Variants in PRRC2C observed in about 807,000 individuals in gnomAD.
The protein encoded by PRRC2C is proline rich coiled-coil 2C, also known as protein PRRC2C.
In PRRC2C, 72 loss-of-function variants were observed where a neutral mutation model predicts 317.2. The observed-to-expected ratio is 0.23, with a 90% CI of 0.19 to 0.28. The LOEUF (loss-of-function observed/expected upper bound fraction) is 0.28, where lower values mean the gene tolerates loss of function less well. Among genes scored for constraint, PRRC2C ranks in the 10% least tolerant of loss-of-function variants. The pLI is 1.00. For missense variants in PRRC2C, 3,074 were observed against 3,459.7 expected (o/e 0.89, Z 2.80); for synonymous variants, 1,296 against 1,205.9 (o/e 1.07, Z -1.55).
chr1:171,505,021 T>C (rs1669911738), intron 1 of PRRC2C, among the ~76,000 whole-genome samples: 1 of 149,548 alleles, frequency 6.7e-6, no homozygotes, highest in Admixed American at 6.8e-5. Flanking sequence ...TCCCTAAGTA[T>C]TTCAATTTTT....
chr1:171,542,005 G>GGAT lies in PRRC2C; in HGVS notation c.4542_4544dup (p.Asp1514dup). 6 of 1,610,702 alleles carry GGAT rather than the reference G, an allele frequency of 3.7e-6. No homozygotes were observed. Among genetic ancestry groups the GGAT allele is most frequent in the Non-Finnish European group, 5.1e-6 (6 of 1,178,940 alleles). Reference sequence around the variant, plus strand: ...GTGATTTCAATGAGAGGCGAGAGAGGGATGAAAAAAAAAATGCTGACTTGA... The same window carrying GGAT: ...GTGATTTCAATGAGAGGCGAGAGAGGGATGATGAAAAAAAAAATGCTGACTTGA... On this transcript the variant is annotated inframe_insertion, in exon 16 of 35. Transcript: ENST00000647382.
Position 171,540,652 on chromosome 1 carries a change from T to C in PRRC2C, c.3186T>C (p.Pro1062=), listed in dbSNP as rs1185517046. Reference sequence around the variant, plus strand: ...AGACGGAAAAGAAGGATCTTCCTCCTCCCCCACCACCACCTCAGCCACCAG... The same window carrying C: ...AGACGGAAAAGAAGGATCTTCCTCCCCCCCCACCACCACCTCAGCCACCAG... ...PEKTEKKDLP[P]PPPPPQPPAP... is the part of the protein sequence containing the mutation. Residue 1062 remains proline (P), a synonymous_variant, in exon 16 of 35, where the codon CCT becomes CCC. Transcript: ENST00000647382. The C allele has an allele frequency of 6.2e-7, 1 of 1,613,760 alleles. No individual in the cohort carries two copies. Among genetic ancestry groups the C allele is most frequent in the South Asian group, 1.1e-5 (1 of 91,072 alleles).
intron 17 of PRRC2C, among the ~76,000 whole-genome samples, chr1:171,549,318 T>C (rs1446368485): frequency 6.6e-6 from 1 of 152,214 alleles, no homozygotes; most frequent in Non-Finnish European, 1.5e-5. Flanking sequence ...ACTACAGGCA[T>C]GTGCCACAGC....
intron 24 of PRRC2C, among the ~76,000 whole-genome samples, chr1:171,571,795 A>G (rs1684812655): frequency 6.6e-6 from 1 of 152,228 alleles, no homozygotes; most frequent in Admixed American, 6.5e-5. Flanking sequence ...CCAAAATATT[A>G]AGTACTGATA....
chr1:171,488,284 CTTTCA>C (rs1333807498), intron 1 of PRRC2C, among the ~76,000 whole-genome samples: 1 of 152,228 alleles, frequency 6.6e-6, no homozygotes, highest in African/African-American at 2.4e-5. Context: ...TTATGACACA[CTTTCA>C]TTTCGGTAAA....
intron 19 of PRRC2C, among the ~76,000 whole-genome samples, chr1:171,558,729 A>G (rs948481823): frequency 1.1e-5 from 1 of 87,750 alleles, no homozygotes; most frequent in Non-Finnish European, 2.6e-5. Context: ...CCTATTCTTT[A>G]AGAACACAAC....
intron 13 of PRRC2C, 41 bp from the exon 14 acceptor site, chr1:171,535,988 G>A (rs1392259294): frequency 1.9e-6 from 3 of 1,548,108 alleles, no homozygotes; most frequent in East Asian, 4.9e-5. Context: ...AATTTGTCAT[G>A]TGGAACTAAA....
chr1:171,583,078 A>G (rs1425621991), intron 28 of PRRC2C, among the ~76,000 whole-genome samples: 1 of 152,070 alleles, frequency 6.6e-6, no homozygotes, highest in Non-Finnish European at 1.5e-5. Context: ...AGCTCAAGCC[A>G]TTGTCCAGCC....
chr1:171,503,233 G>C (rs1669482247), intron 1 of PRRC2C, among the ~76,000 whole-genome samples: 1 of 152,078 alleles, frequency 6.6e-6, no homozygotes, highest in African/African-American at 2.4e-5. Flanking sequence ...TCATATAAAT[G>C]TGTTTGTAGG....
chr1:171,544,024 G>C (rs1678533146), intron 16 of PRRC2C, among the ~76,000 whole-genome samples: 1 of 152,158 alleles, frequency 6.6e-6, no homozygotes. Flanking sequence ...CAGAAGGGCA[G>C]AGCCCTCATG....
At chr1:171,489,364 G>A (rs1033984247) in intron 1 of PRRC2C, among the ~76,000 whole-genome samples, 1 of 152,170 alleles carries the variant, frequency 6.6e-6, no homozygotes, top group Non-Finnish European at 1.5e-5. Context: ...GTAAGGCCCA[G>A]TGAATCAGAG....
chr1:171,486,339 T>TG (rs1176966650), intron 1 of PRRC2C, among the ~76,000 whole-genome samples: 1 of 151,882 alleles, frequency 6.6e-6, no homozygotes, highest in African/African-American at 2.4e-5. Context: ...GAGGAGGATT[T>TG]GGGTAGTCTT....
intron 30 of PRRC2C, among the ~76,000 whole-genome samples, chr1:171,585,242 T>C (rs1649595596): frequency 6.6e-6 from 1 of 152,226 alleles, no homozygotes; most frequent in South Asian, 2.1e-4. Context: ...TACCCATTAG[T>C]GCTAGGGAGA....
At chr1:171,554,060 A>T (rs1680854927) in intron 18 of PRRC2C, among the ~76,000 whole-genome samples, 1 of 152,182 alleles carries the variant, frequency 6.6e-6, no homozygotes, top group Non-Finnish European at 1.5e-5. Context: ...TAATATTGAC[A>T]ATGGGGTGTT....
At chr1:171,558,512 G>C (rs956015324) in intron 19 of PRRC2C, among the ~76,000 whole-genome samples, 2 of 152,074 alleles carry the variant, frequency 1.3e-5, no homozygotes, top group Non-Finnish European at 2.9e-5. Context: ...GTCATTTCAT[G>C]TTCTGTGTCA....
chr1:171,573,673 C>CTTTTTTTTTTTTTTTTTT (rs1024285954), intron 24 of PRRC2C, among the ~76,000 whole-genome samples: 1 of 85,814 alleles, frequency 1.2e-5, no homozygotes, highest in Non-Finnish European at 2.1e-5. Context: ...TCTCAAAATT[C>CTTTTTTTTTTTTTTTTTT]TTTTTTTTTT....
At chr1:171,584,695 C>G (rs1028301972) in intron 30 of PRRC2C, among the ~76,000 whole-genome samples, 169 bp downstream of exon 30, 2 of 152,168 alleles carry the variant, frequency 1.3e-5, no homozygotes, top group Non-Finnish European at 2.9e-5. Context: ...GAAGGGGTTT[C>G]AGGCTCATGA....
In PRRC2C at chr1:171,515,787, G is replaced by A. The variant is rs1408572443; in HGVS notation, c.454G>A (p.Gly152Arg). The A allele has an allele frequency of 6.2e-7, 1 of 1,612,180 alleles. No individual in the cohort carries two copies. The highest frequency in any genetic ancestry group is 8.5e-7 in the Non-Finnish European group (1 of 1,178,838). ...QQEFPSLQAAGDQEKKEKETN... is the reference protein window; with the variant it reads ...QQEFPSLQAARDQEKKEKETN... Reference sequence around the variant, plus strand: ...AGAATTTCCCAGCCTGCAGGCAGCTGGGGATCAGGAAAAAAAAGAAAAGGA... The same window carrying A: ...AGAATTTCCCAGCCTGCAGGCAGCTAGGGATCAGGAAAAAAAAGAAAAGGA... Residue 152 changes from glycine (G) to arginine (R), a missense_variant, in exon 5 of 35, where the codon GGG (glycine) becomes AGG (arginine). This residue lies in a region of PRRC2C where 237 missense variants were observed against 199.5 expected (regional missense o/e 1.19). Coordinates refer to ENST00000647382, the MANE Select transcript of PRRC2C (RefSeq NM_001387844.1).
At chr1:171,589,322 T>C in intron 33 of PRRC2C, 47 bp from the exon 34 acceptor site, 1 of 707,864 alleles carries the variant, frequency 1.4e-6, no homozygotes, top group Non-Finnish European at 2.0e-6. Context: ...TTTTTTTTTT[T>C]TTTTTTTTAA....
Sources: gnomAD v4.1 joint callset for allele counts (sites outside exome capture counted in the v4.1 genomes callset) on GRCh38, gnomAD v4.1.1 for gene constraint, gnomAD v4.1.1 regional missense constraint, MANE v1.5 for transcripts, NCBI Gene and HGNC (gene_info 2026-07-23, HGNC 2026-07-21) for gene names.